Variants in TMEM132C observed in about 807,000 individuals in gnomAD.
The protein encoded by TMEM132C is transmembrane protein 132C.
A neutral mutation model predicts 61.4 loss-of-function variants in TMEM132C; 29 were observed. The ratio of observed to expected loss-of-function variants is 0.47; its 90% confidence interval spans 0.35 to 0.64. The LOEUF (loss-of-function observed/expected upper bound fraction) is 0.64, where lower values mean the gene tolerates loss of function less well. TMEM132C is among the 30% of genes least tolerant of loss of function. TMEM132C has a pLI of 0.00. For synonymous variants in TMEM132C, 656 were observed against 633.1 expected (o/e 1.04, Z -0.54); for missense variants, 1,408 against 1,476.9 (o/e 0.95, Z 0.76).
intron 4 of TMEM132C, among the ~76,000 whole-genome samples, chr12:128,669,013 T>C (rs1954503985): frequency 6.6e-6 from 1 of 152,188 alleles, no homozygotes; most frequent in African/African-American, 2.4e-5. Context: ...GATTAGAGCA[T>C]GGATATCTTT....
chr12:128,622,936 A>G (rs867966), intron 4 of TMEM132C, among the ~76,000 whole-genome samples: 17,784 of 152,136 alleles, frequency 0.12, 1,171 homozygotes, highest in African/African-American at 0.18. Context: ...ATTGAAAAAT[A>G]TTTGCTCAGT....
chr12:128,395,101 C>T (rs879600489), intron 1 of TMEM132C, among the ~76,000 whole-genome samples: 12 of 151,086 alleles, frequency 7.9e-5, no homozygotes, highest in Non-Finnish European at 1.2e-4. Context: ...ACAATCATAG[C>T]GTTGTGTTTC....
intron 3 of TMEM132C, among the ~76,000 whole-genome samples, chr12:128,606,524 T>A (rs1243253293): frequency 2.6e-5 from 4 of 152,228 alleles, no homozygotes; most frequent in Non-Finnish European, 1.5e-5. Flanking sequence ...TTCCCATTTT[T>A]AAAAAATCCA....
intron 2 of TMEM132C, among the ~76,000 whole-genome samples, chr12:128,503,937 C>A (rs1565955565): frequency 6.6e-6 from 1 of 152,206 alleles, no homozygotes; most frequent in Non-Finnish European, 1.5e-5. Context: ...AGGGCTTTGC[C>A]ACGTGGTTCT....
At chr12:128,477,008 C>A (rs891142438) in intron 2 of TMEM132C, among the ~76,000 whole-genome samples, 1 of 152,098 alleles carries the variant, frequency 6.6e-6, no homozygotes, top group Non-Finnish European at 1.5e-5. Flanking sequence ...GAAAAATTAG[C>A]TTTCTGCTTG....
At chr12:128,604,480 G>T (rs985413467) in intron 3 of TMEM132C, among the ~76,000 whole-genome samples, 1 of 151,266 alleles carries the variant, frequency 6.6e-6, no homozygotes, top group Non-Finnish European at 1.5e-5. Context: ...GATACAAATG[G>T]ATAGATCATA....
chr12:128,511,261 T>A (rs1282672162), intron 2 of TMEM132C, among the ~76,000 whole-genome samples: 1 of 152,186 alleles, frequency 6.6e-6, no homozygotes, highest in Non-Finnish European at 1.5e-5. Flanking sequence ...CAGCAGGTAT[T>A]TTCAGGCACC....
At chr12:128,526,172 G>T (rs931243937) in intron 2 of TMEM132C, among the ~76,000 whole-genome samples, 1 of 152,310 alleles carries the variant, frequency 6.6e-6, no homozygotes, top group Middle Eastern at 3.4e-3. Context: ...CAGAAATATT[G>T]CAATGGACAA....
At chr12:128,487,749 A>G (rs1221313267) in intron 2 of TMEM132C, among the ~76,000 whole-genome samples, 1 of 151,780 alleles carries the variant, frequency 6.6e-6, no homozygotes, top group African/African-American at 2.4e-5. Context: ...TCACCCTTGG[A>G]ATCTCCCTGG....
chr12:128,340,914 C>T (rs1459614355), intron 1 of TMEM132C, among the ~76,000 whole-genome samples: 3 of 100,558 alleles, frequency 3.0e-5, no homozygotes, highest in Non-Finnish European at 6.2e-5. Context: ...TTCTCTCTCT[C>T]TTTCTCTCTC....
At chr12:128,299,953 G>T (rs1871543940) in intron 1 of TMEM132C, among the ~76,000 whole-genome samples, 1 of 152,224 alleles carries the variant, frequency 6.6e-6, no homozygotes. Context: ...GGGGCAGGAT[G>T]CCCACATTTA....
At chr12:128,394,000 GA>G (rs1565922791) in intron 1 of TMEM132C, among the ~76,000 whole-genome samples, 2 of 152,174 alleles carry the variant, frequency 1.3e-5, no homozygotes, top group African/African-American at 4.8e-5. Context: ...TCACACTGCT[GA>G]TAAAGGCACA....
chr12:128,303,885 C>T (rs571863123), intron 1 of TMEM132C, among the ~76,000 whole-genome samples: 132 of 152,220 alleles, frequency 8.7e-4, no homozygotes, highest in African/African-American at 2.9e-3. Context: ...GAACCTTCCA[C>T]GTTACCATGT....
chr12:128,539,632 C>T (rs1873664799), intron 2 of TMEM132C, among the ~76,000 whole-genome samples: 2 of 152,130 alleles, frequency 1.3e-5, no homozygotes, highest in South Asian at 4.2e-4. Flanking sequence ...AACAAATGAA[C>T]ATGTGTGTGT....
chr12:128,609,077 C>G (rs1333642300), intron 3 of TMEM132C, among the ~76,000 whole-genome samples: 1 of 151,982 alleles, frequency 6.6e-6, no homozygotes, highest in Non-Finnish European at 1.5e-5. Context: ...GGCCAGATCT[C>G]AGCTCACTGC....
At chr12:128,512,171 G>C (rs1158112929) in intron 2 of TMEM132C, among the ~76,000 whole-genome samples, 1 of 151,714 alleles carries the variant, frequency 6.6e-6, no homozygotes, top group East Asian at 1.9e-4. Flanking sequence ...TAAAAAGATA[G>C]ACAAAGAGAC....
intron 3 of TMEM132C, among the ~76,000 whole-genome samples, chr12:128,555,561 T>C (rs1874304304): frequency 6.6e-6 from 1 of 152,228 alleles, no homozygotes; most frequent in African/African-American, 2.4e-5. Context: ...GATAATTTAT[T>C]GATACACAAG....
At chr12:128,598,781 G>A (rs941743705) in intron 3 of TMEM132C, among the ~76,000 whole-genome samples, 1 of 139,708 alleles carries the variant, frequency 7.2e-6, no homozygotes, top group Non-Finnish European at 1.5e-5. Flanking sequence ...TCATATCATA[G>A]CCCTCGCCAC....
chr12:128,330,865 C>T (rs981049296), intron 1 of TMEM132C, among the ~76,000 whole-genome samples: 1 of 151,714 alleles, frequency 6.6e-6, no homozygotes, highest in Non-Finnish European at 1.5e-5. Flanking sequence ...TTAACATTTC[C>T]CTGTTATAAA....
Sources: gnomAD v4.1 joint callset for allele counts (sites outside exome capture counted in the v4.1 genomes callset) on GRCh38, gnomAD v4.1.1 for gene constraint, MANE v1.5 for transcripts, NCBI Gene and HGNC (gene_info 2026-07-23, HGNC 2026-07-21) for gene names.